The following RAB37 variants were observed in gnomAD, a reference collection of about 807,000 sequenced individuals.
The protein encoded by RAB37 is RAB37, member RAS oncogene family, also known as ras-related protein Rab-37.
In RAB37, 29 loss-of-function variants were observed where a neutral mutation model predicts 33.1. The ratio of observed to expected loss-of-function variants is 0.88; its 90% confidence interval spans 0.65 to 1.20. The LOEUF (loss-of-function observed/expected upper bound fraction) is 1.20. Among genes scored for constraint, RAB37 ranks in the 50% most tolerant of loss-of-function variants. RAB37 has a pLI of 0.00. For synonymous variants in RAB37, 128 were observed against 119.5 expected, an observed-to-expected ratio of 1.07 and a Z score of -0.47; for missense variants, 299 against 301.1, an observed-to-expected ratio of 0.99 and a Z score of 0.05.
rs772964832 is a variant in RAB37 at position 74,676,495 on chromosome 17, T to C, written c.72+4837T>C. ...TGGGTGAAAGGAAAAGGCAAGCAGGTAATATCTGCCACTCTCCCCCATCTC... is the reference window on the plus strand; with the variant it reads ...TGGGTGAAAGGAAAAGGCAAGCAGGCAATATCTGCCACTCTCCCCCATCTC... On this transcript the variant is annotated intron_variant, in intron 1 of 7. Transcript: ENST00000340415. This position sits in a 1 kb window ranked among gnomAD's most constrained non-coding sequence, Gnocchi z 4.1. Among the ~76,000 whole-genome samples the C allele has an allele frequency of 1.3e-5, 2 of 152,160 alleles. No homozygotes were observed. Among genetic ancestry groups the C allele is most frequent in the African/African-American group, 4.8e-5 (2 of 41,442 alleles).
At chr17:74,714,111 C>T (rs1020162321) in intron 1 of RAB37, among the ~76,000 whole-genome samples, 3 of 151,786 alleles carry the variant, frequency 2.0e-5, no homozygotes, top group African/African-American at 7.3e-5. Context: ...CTCGGGAGGC[C>T]GAGGTAGGAG....
At chr17:74,700,667 G>A (rs1419676036) in intron 1 of RAB37, among the ~76,000 whole-genome samples, 2 of 151,972 alleles carry the variant, frequency 1.3e-5, no homozygotes, top group Admixed American at 6.6e-5. Context: ...CAGGAGAATC[G>A]CTTGAACCTG....
At chr17:74,719,236 C>T (rs2034207334) in intron 1 of RAB37, among the ~76,000 whole-genome samples, 1 of 152,020 alleles carries the variant, frequency 6.6e-6, no homozygotes, top group Non-Finnish European at 1.5e-5. Context: ...TTACTTGAGC[C>T]CAGGAGATCG....
chr17:74,734,598 C>T (rs2034438321), upstream of RAB37, among the ~76,000 whole-genome samples: 1 of 152,184 alleles, frequency 6.6e-6, no homozygotes, highest in African/African-American at 2.4e-5. Context: ...AATCCCAATA[C>T]TTTGGGAGGC....
At chr17:74,695,595 T>C (rs2032370887) in intron 1 of RAB37, 1 of 1,347,076 alleles carries the variant, frequency 7.4e-7, no homozygotes, top group African/African-American at 1.4e-5. Flanking sequence ...CTGCAGTGAC[T>C]ATGGCTTTGC....
Position 74,745,790 on chromosome 17 carries a change from C to G in RAB37, c.*379C>G. On this transcript the variant is annotated 3_prime_UTR_variant, in exon 9 of 9. Transcript: ENST00000392613. This position sits in a 1 kb window ranked among gnomAD's most constrained non-coding sequence, Gnocchi z 4.5. Reference sequence around the variant, plus strand: ...CTCAGCCCCAGGGGACACAGATGCACTTTGGGGGTGAGGGCAGGTAATGAC... The same window carrying G: ...CTCAGCCCCAGGGGACACAGATGCAGTTTGGGGGTGAGGGCAGGTAATGAC... 1 of 194,754 alleles carries G rather than the reference C, an allele frequency of 5.1e-6. No individual in the cohort carries two copies. Among genetic ancestry groups the G allele is most frequent in the Non-Finnish European group, 1.1e-5 (1 of 93,946 alleles). 12.1% of individuals were successfully genotyped at this position (194,754 alleles called of 1,614,324 possible). A position where few individuals can be genotyped will look rare whatever the true frequency, so the allele number is the denominator to read the frequency against.
intron 1 of RAB37, among the ~76,000 whole-genome samples, chr17:74,693,859 T>C (rs193290328): frequency 1.2e-4 from 18 of 148,788 alleles, no homozygotes; most frequent in East Asian, 8.0e-4. Context: ...AACCCGGGAA[T>C]CAGAGGTTGC....
At position 74,729,348 on chromosome 17, in the gene RAB37, T is replaced by C; in HGVS notation, c.165T>C (p.Thr55=). 1 of 1,613,876 alleles carries C rather than the reference T, an allele frequency of 6.2e-7. No individual in the cohort carries two copies. The highest frequency in any genetic ancestry group is 8.5e-7 in the Non-Finnish European group (1 of 1,179,794). Residue 55 remains threonine, a synonymous_variant, in exon 2 of 8, where the codon ACT becomes ACC. Coordinates refer to the RAB37 transcript ENST00000340415. This position sits in a 1 kb window ranked among gnomAD's most constrained non-coding sequence, Gnocchi z 4.2. Reference sequence around the variant, plus strand: ...TCATCCCCGGCTCCTTCTCGGCCACTGTGGGCATCGGATTCACGGTAAGCA... The same window carrying C: ...TCATCCCCGGCTCCTTCTCGGCCACCGTGGGCATCGGATTCACGGTAAGCA...
chr17:74,700,895 T>C (rs1207787455), intron 1 of RAB37, among the ~76,000 whole-genome samples: 1 of 150,606 alleles, frequency 6.6e-6, no homozygotes, highest in Non-Finnish European at 1.5e-5. Flanking sequence ...TTTAAAGAGG[T>C]GATTGAGGTT....
chr17:74,678,283 G>A (rs1473984002), intron 1 of RAB37, among the ~76,000 whole-genome samples: 1 of 152,216 alleles, frequency 6.6e-6, no homozygotes, highest in African/African-American at 2.4e-5. Context: ...AAGAGAGACA[G>A]CTCCAAGCAA....
intron 1 of RAB37, among the ~76,000 whole-genome samples, chr17:74,703,832 G>A (rs1018735356): frequency 7.2e-5 from 11 of 152,196 alleles, no homozygotes; most frequent in African/African-American, 2.4e-4. Flanking sequence ...CATGCAAACC[G>A]AGGCACTGGG....
At chr17:74,734,742 C>T (rs1270125465), upstream of RAB37, among the ~76,000 whole-genome samples, 1 of 151,880 alleles carries the variant, frequency 6.6e-6, no homozygotes, top group Non-Finnish European at 1.5e-5. Context: ...ACTTGGGAGG[C>T]TGAGGCAGGA....
At chr17:74,736,084 C>T (rs146224193), upstream of RAB37, among the ~76,000 whole-genome samples, 1 of 152,238 alleles carries the variant, frequency 6.6e-6, no homozygotes, top group African/African-American at 2.4e-5. Context: ...TGATGTCGCG[C>T]ACCTGTAATC....
At chr17:74,715,504 C>T (rs2034154169) in intron 1 of RAB37, among the ~76,000 whole-genome samples, 1 of 152,212 alleles carries the variant, frequency 6.6e-6, no homozygotes. Context: ...GCAATCAGCC[C>T]TCTGCAGTAG....
intron 1 of RAB37, among the ~76,000 whole-genome samples, chr17:74,700,904 TTAA>T (rs2032994344): frequency 6.6e-6 from 1 of 151,546 alleles, no homozygotes; most frequent in Admixed American, 6.6e-5. Flanking sequence ...GTGATTGAGG[TTAA>T]GTGAGGTCAC....
chr17:74,745,682 T>G lies in RAB37; in HGVS notation c.*271T>G, dbSNP rs2034744342. 2.0e-5 allele frequency: 7 copies of G among 346,902 alleles called. No individual in the cohort carries two copies. Among genetic ancestry groups the G allele is most frequent in the Non-Finnish European group, 2.6e-5 (5 of 189,190 alleles). The allele number at this position is 346,902 out of a possible 1,614,324, so 21.5% of individuals were successfully genotyped here. On this transcript the variant is annotated 3_prime_UTR_variant, in exon 9 of 9. Transcript: ENST00000392613. The surrounding 1 kb of genome is among the most constrained non-coding windows in gnomAD (Gnocchi z 4.5). ...GCCTGGATCCCCAAAAAACCGAGGC[T>G]GGGAGCTAGTGGCCCTTTTGCTTTC...
Position 74,676,089 on chromosome 17 carries a change from C to T in RAB37, c.72+4431C>T, listed in dbSNP as rs1469321175. On this transcript the variant is annotated intron_variant, in intron 1 of 7. Transcript: ENST00000340415. The surrounding 1 kb of genome is among the most constrained non-coding windows in gnomAD (Gnocchi z 4.1). ...CTGGGGTAGGGGTTCAGGAACAGCC[C>T]ACGGATTGGGTCCCTACTGTGCCAG... Among the ~76,000 whole-genome samples the T allele has an allele frequency of 1.3e-5, 2 of 152,132 alleles. No homozygotes were observed. Among genetic ancestry groups the T allele is most frequent in the African/African-American group, 2.4e-5 (1 of 41,416 alleles).
intron 1 of RAB37, among the ~76,000 whole-genome samples, chr17:74,702,176 T>G (rs2033114405): frequency 1.3e-5 from 2 of 152,106 alleles, no homozygotes; most frequent in Admixed American, 1.3e-4. Context: ...ACTTGGCACT[T>G]GGCAGATCTA....
rs867791634 is a variant in RAB37 at position 74,698,712 on chromosome 17, G to C, written c.72+27054G>C. On this transcript the variant is annotated intron_variant, in intron 1 of 7. Coordinates refer to the RAB37 transcript ENST00000340415. ...AGACACCAGGGCCTACTTGAGGATG[G>C]AGGGTGGGAGGAAGCAAAGAATCAA... 8.8e-5 allele frequency: 92 copies of C among 1,044,492 alleles called. 4 individuals carry two copies. In the Middle Eastern group the frequency reaches 1.6e-3, roughly 18 times the overall value. The allele number at this position is 1,044,492 out of a possible 1,614,324, so 64.7% of individuals were successfully genotyped here.
Sources: allele counts gnomAD v4.1 joint callset (sites outside exome capture counted in the v4.1 genomes callset), GRCh38; gene constraint gnomAD v4.1.1; non-coding constraint Gnocchi (gnomAD v3.1); transcripts MANE v1.5; gene names NCBI Gene and HGNC (gene_info 2026-07-23, HGNC 2026-07-21).